KCNJ5: variants seen among roughly 807,000 people sequenced by gnomAD.
KCNJ5 encodes potassium inwardly rectifying channel subfamily J member 5.
A neutral mutation model predicts 20.2 loss-of-function variants in KCNJ5; 12 were observed. The ratio of observed to expected loss-of-function variants is 0.59; its 90% CI spans 0.38 to 0.96. The LOEUF (loss-of-function observed/expected upper bound fraction) is 0.96. KCNJ5 is among the 40% of genes least tolerant of loss of function. The pLI is 0.00. For missense variants in KCNJ5, 449 were observed against 557.6 expected (o/e 0.81, Z 1.96); for synonymous variants, 210 against 213.9 (o/e 0.98, Z 0.16).
intron 1 of KCNJ5, chr11:128,901,198 A>T (rs78297987): frequency 1.1e-4 from 17 of 152,228 alleles, no homozygotes; most frequent in African/African-American, 4.1e-4. Context: ...TTCTGAAGTC[A>T]GGCCGCTGTC....
chr11:128,905,966 G>C (rs1300262602), intron 1 of KCNJ5: 1 of 152,122 alleles, frequency 6.6e-6, no homozygotes, highest in Non-Finnish European at 1.5e-5. Context: ...GTGGGAGCAC[G>C]ATGCTGACAC....
intron 1 of KCNJ5, among the ~76,000 whole-genome samples, chr11:128,893,962 C>A (rs143712510): frequency 6.6e-6 from 1 of 152,338 alleles, no homozygotes; most frequent in East Asian, 1.9e-4. Flanking sequence ...CTGCAAGCAC[C>A]TGACTGGGTT....
At chr11:128,914,391 T>C (rs576495086) in intron 2 of KCNJ5, among the ~76,000 whole-genome samples, 27 of 152,188 alleles carry the variant, frequency 1.8e-4, no homozygotes, top group African/African-American at 6.3e-4. Flanking sequence ...GGCCCGCCAT[T>C]CACTTGTCCT....
intron 1 of KCNJ5, chr11:128,903,518 T>C (rs4937387): frequency 0.26 from 419,325 of 1,612,816 alleles, 55,757 homozygotes; most frequent in African/African-American, 0.28. Flanking sequence ...CTGCCTTAGA[T>C]GAAGGAGAAT....
intron 1 of KCNJ5, among the ~76,000 whole-genome samples, chr11:128,894,529 C>T (rs533854990): frequency 2.0e-5 from 3 of 152,266 alleles, no homozygotes; most frequent in Admixed American, 6.5e-5. Context: ...TTAAGATAGT[C>T]GTCAGCCACG....
In KCNJ5 at chr11:128,912,138, A is replaced by T. The variant is rs1565552439; in HGVS notation, c.865A>T (p.Met289Leu). Residue 289 changes from methionine (M) to leucine (L), a missense_variant, in exon 2 of 3, where the codon ATG becomes TTG. Met to Leu is a conservative substitution (Grantham distance 15). Coordinates refer to ENST00000529694, the MANE Select transcript of KCNJ5 (RefSeq NM_000890.5). ...CAACCAGAAGAGCCCTTTCTGGGAG[A>T]TGTCTCAGGCTCAGCTGCATCAGGA... is the stretch of plus-strand genomic sequence containing the variant. ...EINQKSPFWE[M>L]SQAQLHQEEF... The T allele has an allele frequency of 1.2e-6, 2 of 1,612,410 alleles. No homozygotes were observed. The highest frequency in any genetic ancestry group is 1.7e-6 in the Non-Finnish European group (2 of 1,179,988).
In KCNJ5 at chr11:128,919,181, G is replaced by A. The variant is rs1944633470; in HGVS notation, c.*2450G>A. The A allele has an allele frequency of 6.6e-6, 1 of 152,444 alleles. No individual in the cohort carries two copies. The highest frequency in any genetic ancestry group is 2.4e-5 in the African/African-American group (1 of 41,440). The allele number at this position is 152,444 out of a possible 1,614,324, so 9.4% of individuals were successfully genotyped here. A position where few individuals can be genotyped will look rare whatever the true frequency, so the allele number is the denominator to read the frequency against. The stretch of plus-strand genomic sequence containing the variant: ...GGGTCAACTAAGCGAGGGAGGGAAG[G>A]CGAAGGCAAAGCTGGCCTTGCACCT... On this transcript the variant is annotated 3_prime_UTR_variant, in exon 3 of 3. Transcript: ENST00000529694.
chr11:128,894,283 A>G (rs1228060810), intron 1 of KCNJ5, among the ~76,000 whole-genome samples: 1 of 152,040 alleles, frequency 6.6e-6, no homozygotes, highest in African/African-American at 2.4e-5. Context: ...TCGTTGGGGC[A>G]GCGTTATGCT....
chr11:128,892,692 T>C (rs544454331), intron 1 of KCNJ5, among the ~76,000 whole-genome samples: 1 of 152,348 alleles, frequency 6.6e-6, no homozygotes, highest in Admixed American at 6.5e-5. Flanking sequence ...AGGGAGATTC[T>C]CTCCTATATC....
Position 128,920,476 on chromosome 11 carries a change from A to T in KCNJ5, c.*3745A>T, listed in dbSNP as rs1944650203. 1 of 152,268 alleles carries T rather than the reference A, an allele frequency of 6.6e-6. No homozygotes were observed. Among genetic ancestry groups the T allele is most frequent in the Non-Finnish European group, 1.5e-5 (1 of 68,094 alleles). The allele number at this position is 152,268 out of a possible 1,614,324, so 9.4% of individuals were successfully genotyped here. A position where few individuals can be genotyped will look rare whatever the true frequency, so the allele number is the denominator to read the frequency against. On this transcript the variant is annotated 3_prime_UTR_variant, in exon 3 of 3. Transcript: ENST00000529694. ...TCAATCCTGTGCCTCATGTGAGGTGAGCCCCAGAGAAACTTAAATTGCTTG... is the reference window on the plus strand; with the variant it reads ...TCAATCCTGTGCCTCATGTGAGGTGTGCCCCAGAGAAACTTAAATTGCTTG...
chr11:128,903,494 T>C (rs1026297854), intron 1 of KCNJ5: 10 of 1,614,118 alleles, frequency 6.2e-6, no homozygotes, highest in Non-Finnish European at 7.6e-6. Flanking sequence ...CCCTCACTCC[T>C]GACAGAGGCA....
In KCNJ5 at chr11:128,916,832, G is replaced by A. The variant is rs1265307221; in HGVS notation, c.*101G>A. 8.6e-6 allele frequency: 8 copies of A among 932,728 alleles called. No individual in the cohort carries two copies. Among genetic ancestry groups the A allele is most frequent in the African/African-American group, 1.7e-5 (1 of 60,004 alleles). The allele number at this position is 932,728 out of a possible 1,614,324, so 57.8% of individuals were successfully genotyped here. A position where few individuals can be genotyped will look rare whatever the true frequency, so the allele number is the denominator to read the frequency against. ...GGGGAATAGTTGAGTGTGCTGTTTG[G>A]GGGCTCAGGAGCCATCAAGGCTGTG... On this transcript the variant is annotated 3_prime_UTR_variant, in exon 3 of 3. Coordinates refer to ENST00000529694, the MANE Select transcript of KCNJ5 (RefSeq NM_000890.5).
rs541938508 is a variant in KCNJ5 at position 128,914,448 on chromosome 11, C to G, written c.938-1961C>G. ...TCCCACAACCCGGGCTATGCTTGCT[C>G]TGTCCCACAAACTGTAGGGGAGATC... On this transcript the variant is annotated intron_variant, in intron 2 of 2. Transcript: ENST00000529694. Among the ~76,000 whole-genome samples the G allele has an allele frequency of 3.3e-5, 5 of 152,280 alleles. No individual in the cohort carries two copies. In the South Asian group the frequency reaches 8.3e-4, roughly 25 times the overall value.
chr11:128,892,007 G>A (rs1944099727), intron 1 of KCNJ5, among the ~76,000 whole-genome samples: 1 of 152,244 alleles, frequency 6.6e-6, no homozygotes, highest in African/African-American at 2.4e-5. Context: ...TCCCAGCAGT[G>A]GTTTGAGAGG....
chr11:128,903,308 C>T, intron 1 of KCNJ5: 1 of 1,587,662 alleles, frequency 6.3e-7, no homozygotes, highest in Non-Finnish European at 8.6e-7. Context: ...TTGCACGTGA[C>T]CAAGAAGGAT....
At chr11:128,900,741 T>G (rs1371751267) in intron 1 of KCNJ5, 1 of 152,248 alleles carries the variant, frequency 6.6e-6, no homozygotes, top group African/African-American at 2.4e-5. Context: ...TTTGTGTGCC[T>G]TCTGGCAAGC....
At chr11:128,893,753 C>A (rs1423007870) in intron 1 of KCNJ5, among the ~76,000 whole-genome samples, 2 of 152,196 alleles carry the variant, frequency 1.3e-5, no homozygotes, top group Non-Finnish European at 2.9e-5. Context: ...GGGCTGTCCC[C>A]AAAGCTTAGC....
rs1944494149 is a variant in KCNJ5 at position 128,911,338 on chromosome 11, C to A, written c.65C>A (p.Pro22His). ...GAGATTGGAGTCACTCCCTGGGACC[C>A]CAAGAAGATTCCAAAACAGGCCCGC... ...DMEIGVTPWDPKKIPKQARDY... is the reference protein window; with the variant it reads ...DMEIGVTPWDHKKIPKQARDY... Residue 22 changes from proline (P) to histidine (H), a missense_variant, in exon 2 of 3, where the codon CCC (proline) becomes CAC (histidine). Around this residue, in one of 5 missense-constraint regions of KCNJ5, gnomAD observed 203 missense variants for 258.0 expected, o/e 0.79. Transcript: ENST00000529694. This position sits in a 1 kb window ranked among gnomAD's most constrained non-coding sequence, Gnocchi z 6.3. The A allele has an allele frequency of 6.2e-7, 1 of 1,614,196 alleles. No individual in the cohort carries two copies.
chr11:128,892,488 C>G (rs1944110498), intron 1 of KCNJ5, among the ~76,000 whole-genome samples: 1 of 152,232 alleles, frequency 6.6e-6, no homozygotes, highest in African/African-American at 2.4e-5. Flanking sequence ...CCCTGAACAT[C>G]AGGGTGAGCA....
Sources: allele counts gnomAD v4.1 joint callset (sites outside exome capture counted in the v4.1 genomes callset), GRCh38; gene constraint gnomAD v4.1.1; regional missense constraint gnomAD v4.1.1; non-coding constraint Gnocchi (gnomAD v3.1); transcripts MANE v1.5; gene names NCBI Gene and HGNC (gene_info 2026-07-23, HGNC 2026-07-21).